The following COL28A1 variants were observed in gnomAD, a reference collection of about 807,000 sequenced individuals.
COL28A1 encodes the protein collagen type XXVIII alpha 1 chain, also known as collagen alpha-1(XXVIII) chain.
A neutral mutation model predicts 150.2 loss-of-function variants in COL28A1; 161 were observed. That is an observed-to-expected ratio of 1.07 (90% confidence interval 0.94 to 1.22). The LOEUF is 1.22. Ranked by LOEUF, COL28A1 falls within the 50% of genes most tolerant of loss-of-function variation. The pLI, the probability that COL28A1 is intolerant of heterozygous loss-of-function variation, is 0.00. For missense variants in COL28A1, 1,617 were observed against 1,388.3 expected (o/e 1.16, Z -2.62); for synonymous variants, 552 against 469.7 (o/e 1.18, Z -2.26).
Position 7,453,452 on chromosome 7 carries a change from TA to T in COL28A1, c.1427del (p.Leu476TyrfsTer8). 2.4e-6 allele frequency: 3 copies of T among 1,240,350 alleles called. No homozygotes were observed. The highest frequency in any genetic ancestry group is 3.6e-6 in the Non-Finnish European group (3 of 839,016). The allele number at this position is 1,240,350 out of a possible 1,614,324, so 76.8% of individuals were successfully genotyped here. Reference sequence around the variant, plus strand: ...TTTACAAAGTTACCTTGGAACCAGGTAAGCCCTGTCCTGCGGGCCCTTGTGG... The same window carrying T: ...TTTACAAAGTTACCTTGGAACCAGGTAGCCCTGTCCTGCGGGCCCTTGTGG... ...PGPQGPAGQG[L>X]PGSKGEVGQM... On this transcript the variant is annotated frameshift_variant, in exon 17 of 35. Transcript: ENST00000399429. LOFTEE classifies it high-confidence loss of function.
chr7:7,443,124 T>C (rs1445979367), intron 20 of COL28A1, among the ~76,000 whole-genome samples: 1 of 152,204 alleles, frequency 6.6e-6, no homozygotes, highest in Non-Finnish European at 1.5e-5. Context: ...TGAATTTGTA[T>C]AGTCTCATCT....
intron 33 of COL28A1, among the ~76,000 whole-genome samples, chr7:7,366,590 G>A (rs1301075600): frequency 2.0e-5 from 3 of 152,140 alleles, no homozygotes; most frequent in East Asian, 3.8e-4. Flanking sequence ...TAGTTGTTAC[G>A]CAGGGTTTTA....
At chr7:7,536,738 T>C (rs1782654597), upstream of COL28A1, among the ~76,000 whole-genome samples, 3 of 152,166 alleles carry the variant, frequency 2.0e-5, no homozygotes, top group African/African-American at 7.2e-5. Flanking sequence ...TAAAATGAAC[T>C]TTCTTAGCCA....
chr7:7,542,847 C>T, the COL28A1 span, among the ~76,000 whole-genome samples: 2 of 152,004 alleles, frequency 1.3e-5, no homozygotes, highest in African/African-American at 4.8e-5. Context: ...TCTCAAGTAC[C>T]AGCAATGAGA....
At chr7:7,522,436 T>C (rs1313480099) in intron 4 of COL28A1, among the ~76,000 whole-genome samples, 1 of 152,176 alleles carries the variant, frequency 6.6e-6, no homozygotes. Flanking sequence ...TTTTACTAAT[T>C]GTAAGATAAT....
the COL28A1 span, among the ~76,000 whole-genome samples, chr7:7,348,888 A>T: frequency 2.6e-5 from 4 of 151,986 alleles, no homozygotes; most frequent in East Asian, 7.7e-4. Context: ...AACTACAAGC[A>T]CCTGCCGCCA....
At chr7:7,372,058 C>A (rs960425795) in intron 32 of COL28A1, among the ~76,000 whole-genome samples, 1 of 152,000 alleles carries the variant, frequency 6.6e-6, no homozygotes, top group Non-Finnish European at 1.5e-5. Flanking sequence ...GTCTCTAACT[C>A]CTGACCTCGT....
intron 30 of COL28A1, among the ~76,000 whole-genome samples, chr7:7,379,210 G>C (rs934826775): frequency 6.6e-6 from 1 of 152,164 alleles, no homozygotes; most frequent in East Asian, 1.9e-4. Flanking sequence ...ACTAGGTAAG[G>C]AGCCTAACAT....
intron 30 of COL28A1, among the ~76,000 whole-genome samples, chr7:7,379,154 G>C (rs1018707731): frequency 6.6e-6 from 1 of 152,204 alleles, no homozygotes; most frequent in Non-Finnish European, 1.5e-5. Context: ...CGCAGCTGGA[G>C]AAGGACGAGG....
chr7:7,370,101 G>C (rs1015450153), intron 33 of COL28A1, among the ~76,000 whole-genome samples: 1 of 152,156 alleles, frequency 6.6e-6, no homozygotes, highest in South Asian at 2.1e-4. Flanking sequence ...CTTGCTATGA[G>C]GACAGTCACA....
chr7:7,385,965 T>C (rs929985705), intron 27 of COL28A1, among the ~76,000 whole-genome samples: 1 of 152,214 alleles, frequency 6.6e-6, no homozygotes, highest in Non-Finnish European at 1.5e-5. Flanking sequence ...AATCAGACTT[T>C]TCAATGTATA....
At chr7:7,441,616 C>A (rs1383972642) in intron 20 of COL28A1, among the ~76,000 whole-genome samples, 3 of 151,866 alleles carry the variant, frequency 2.0e-5, no homozygotes, top group Non-Finnish European at 2.9e-5. Context: ...TAAAGTTGAG[C>A]AACAGAATCA....
At chr7:7,517,688 T>G in intron 7 of COL28A1, 108 bp downstream of exon 7, 3 of 1,499,316 alleles carry the variant, frequency 2.0e-6, no homozygotes, top group Non-Finnish European at 2.8e-6. Flanking sequence ...GAGCACAAGG[T>G]AGATAGAAAT....
intron 25 of COL28A1, among the ~76,000 whole-genome samples, chr7:7,429,331 T>C (rs1042716204): frequency 1.4e-4 from 21 of 152,160 alleles, no homozygotes; most frequent in African/African-American, 5.1e-4. Flanking sequence ...GAATTTCCCG[T>C]ACTTTACCAA....
intron 27 of COL28A1, among the ~76,000 whole-genome samples, chr7:7,400,975 G>GGTGT (rs60064708): frequency 0.11 from 12,783 of 118,764 alleles, 828 homozygotes; most frequent in South Asian, 0.13. Flanking sequence ...TGGGTATTTG[G>GGTGT]GTGTGTGTGT....
Position 7,375,033 on chromosome 7 carries a change from C to T in COL28A1, c.2359+428G>A, listed in dbSNP as rs541193782. Among the ~76,000 whole-genome samples, 32 of 152,272 alleles carry T rather than the reference C, an allele frequency of 2.1e-4. No homozygotes were observed. In the South Asian group the frequency reaches 6.6e-3, roughly 32 times the overall value. On this transcript the variant is annotated intron_variant, in intron 31 of 34. Coordinates refer to ENST00000399429, the MANE Select transcript of COL28A1 (RefSeq NM_001037763.3). ...CTTTGGGACTGAGTACAACTCAAAA[C>T]TCTACTCAGAAAGAATTCATGGCTT... is the stretch of plus-strand genomic sequence containing the variant.
upstream of COL28A1, among the ~76,000 whole-genome samples, chr7:7,537,374 T>C (rs1782681564): frequency 1.3e-5 from 2 of 152,206 alleles, no homozygotes; most frequent in Non-Finnish European, 1.5e-5. Context: ...GGAAAACATG[T>C]CAACTCCACA....
intron 25 of COL28A1, among the ~76,000 whole-genome samples, chr7:7,425,459 C>T (rs1784602417): frequency 1.3e-5 from 2 of 152,204 alleles, no homozygotes; most frequent in South Asian, 2.1e-4. Flanking sequence ...TCCTGTATTA[C>T]ACAGGTCCCA....
chr7:7,501,221 G>A (rs750850085), intron 11 of COL28A1, among the ~76,000 whole-genome samples: 5 of 152,208 alleles, frequency 3.3e-5, no homozygotes, highest in East Asian at 1.9e-4. Context: ...TATTATGAAC[G>A]TCCTAGAGTA....
Sources: allele counts gnomAD v4.1 joint callset (sites outside exome capture counted in the v4.1 genomes callset), GRCh38; gene constraint gnomAD v4.1.1; transcripts MANE v1.5; gene names NCBI Gene and HGNC (gene_info 2026-07-23, HGNC 2026-07-21).